The following DDX42 variants were observed in gnomAD, a reference collection of about 807,000 sequenced individuals.
The protein encoded by DDX42 is ATP-dependent RNA helicase DDX42.
Under a neutral mutation model 101.5 loss-of-function variants are expected in DDX42, and 22 were observed. The ratio of observed to expected loss-of-function variants is 0.22; its 90% CI spans 0.15 to 0.31. The LOEUF (loss-of-function observed/expected upper bound fraction) is 0.31. Ranked by LOEUF, DDX42 falls within the 10% of genes least tolerant of loss-of-function variation. DDX42 has a pLI of 1.00. For synonymous variants in DDX42, 402 were observed against 401.2 expected, an observed-to-expected ratio of 1.00 and a Z score of -0.02; for missense variants, 849 against 1,199.9, an observed-to-expected ratio of 0.71 and a Z score of 4.32.
chr17:63,810,465 C>T, intron 11 of DDX42, 48 bp from the exon 12 acceptor site: 1 of 1,594,940 alleles, frequency 6.3e-7, no homozygotes, highest in Non-Finnish European at 8.6e-7. Context: ...CCAGGCTTCC[C>T]AAACTGTATT....
intron 3 of DDX42, among the ~76,000 whole-genome samples, chr17:63,793,936 A>C (rs1270878648): frequency 6.6e-6 from 1 of 151,420 alleles, no homozygotes; most frequent in Admixed American, 6.6e-5. Context: ...ACTTGCCCCA[A>C]ATCATATTGG....
chr17:63,817,166 G>C (rs976371657), intron 17 of DDX42, 200 bp downstream of exon 17: 3 of 530,752 alleles, frequency 5.7e-6, no homozygotes, highest in African/African-American at 3.9e-5. Flanking sequence ...CCTTGTGCTG[G>C]TCTACTTTGA....
At chr17:63,814,391 T>G (rs2039950353) in intron 15 of DDX42, among the ~76,000 whole-genome samples, 1 of 152,242 alleles carries the variant, frequency 6.6e-6, no homozygotes, top group African/African-American at 2.4e-5. Context: ...CCAGCTGCAA[T>G]GTGGCAGTGC....
At chr17:63,795,094 AT>A (rs1451941712) in intron 3 of DDX42, among the ~76,000 whole-genome samples, 1 of 152,198 alleles carries the variant, frequency 6.6e-6, no homozygotes, top group Non-Finnish European at 1.5e-5. Context: ...TGGCCTAGAC[AT>A]TGCTTTTTTA....
chr17:63,810,851 T>G (rs1337170032), intron 12 of DDX42, among the ~76,000 whole-genome samples: 1 of 152,204 alleles, frequency 6.6e-6, no homozygotes, highest in Non-Finnish European at 1.5e-5. Flanking sequence ...TGATTTGAAA[T>G]CAAGAGTCTT....
intron 1 of DDX42, among the ~76,000 whole-genome samples, chr17:63,782,035 G>A (rs1025711338): frequency 6.6e-6 from 1 of 151,458 alleles, no homozygotes; most frequent in Non-Finnish European, 1.5e-5. Context: ...AAAAAGAATT[G>A]TCTTACCAGC....
At chr17:63,782,063 G>A (rs144919880) in intron 1 of DDX42, among the ~76,000 whole-genome samples, 3 of 152,102 alleles carry the variant, frequency 2.0e-5, no homozygotes, top group East Asian at 1.9e-4. Flanking sequence ...AGTGGATCAC[G>A]AGGTCAGGAG....
chr17:63,817,893 A>G lies in DDX42; in HGVS notation c.2312A>G (p.Asn771Ser), dbSNP rs777260126. 22 of 1,614,218 alleles carry G rather than the reference A, an allele frequency of 1.4e-5. No individual in the cohort carries two copies. Among genetic ancestry groups the G allele is most frequent in the Admixed American group, 1.3e-4 (8 of 60,028 alleles). The change falls in exon 18 of 18, where the codon AAC (asparagine) becomes AGC (serine). Residue 771 changes from asparagine to serine, a missense_variant. Physicochemically the swap from Asn to Ser is conservative, Grantham distance 46. This residue lies in a region of DDX42 where 300 missense variants were observed against 304.9 expected (regional missense o/e 0.98). Coordinates refer to ENST00000389924, the MANE Select transcript of DDX42 (RefSeq NM_203499.3). The stretch of plus-strand genomic sequence containing the variant: ...ATCCCAGGCTTTGGCAATACTGGCA[A>G]CATCAGTGGTGCCCCTGTGACCTAC... The part of the protein sequence containing the change: ...KGIPGFGNTG[N>S]ISGAPVTYPS...
chr17:63,796,725 G>T (rs1411388516), intron 3 of DDX42, among the ~76,000 whole-genome samples: 2 of 152,166 alleles, frequency 1.3e-5, no homozygotes, highest in Non-Finnish European at 2.9e-5. Context: ...TAAACAATAT[G>T]TTCTACCACT....
In DDX42 at chr17:63,800,437, G is replaced by T. The variant is rs138225391; in HGVS notation, c.472-31G>T. On this transcript the variant is annotated intron_variant, in intron 5 of 17. Coordinates refer to ENST00000389924, the MANE Select transcript of DDX42 (RefSeq NM_203499.3). ...GCAGAAACATTCTCAATTGTACTTG[G>T]GTGTGATTATGTTCTTGTGCTTTCC... 102 of 1,605,934 alleles carry T rather than the reference G, an allele frequency of 6.4e-5. 1 individual carries two copies. In the East Asian group the frequency reaches 2.2e-3, roughly 35 times the overall value.
rs138224520 is a variant in DDX42, at chr17:63,789,546, C to CGTG, written c.221+2276_221+2277insGTG. Among the ~76,000 whole-genome samples, 16 of 121,846 alleles carry CGTG rather than the reference C, an allele frequency of 1.3e-4. 2 individuals carry two copies. The highest frequency in any genetic ancestry group is 5.5e-4 in the African/African-American group (16 of 29,318). 79.9% of individuals were successfully genotyped at this position (121,846 alleles called of 152,430 possible). A position where few individuals can be genotyped will look rare whatever the true frequency, so the allele number is the denominator to read the frequency against. On this transcript the variant is annotated intron_variant, in intron 2 of 17. Transcript: ENST00000389924. ...ATTGGAAAAAAAAGCTTCTAAAAGA[C>CGTG]TTTTTTGTTTTTGTTTTTGTTTTTG...
In DDX42 at chr17:63,792,644, A is replaced by C. The variant is rs116712787; in HGVS notation, c.372+82A>C. The C allele has an allele frequency of 2.1e-6, 3 of 1,426,200 alleles. No individual in the cohort carries two copies. The African/African-American group carries it at 4.4e-5, about 21-fold the overall frequency. The allele number at this position is 1,426,200 out of a possible 1,614,324, so 88.3% of individuals were successfully genotyped here. A position where few individuals can be genotyped will look rare whatever the true frequency, so the allele number is the denominator to read the frequency against. On this transcript the variant is annotated intron_variant, in intron 3 of 17. Transcript: ENST00000389924. ...CTTAGTACTTCAAATCTTATTCAAA[A>C]TTTGTTTTCTAGTCTTATTATTTTT...
chr17:63,779,395 C>G (rs2144520814), intron 1 of DDX42, among the ~76,000 whole-genome samples: 1 of 152,260 alleles, frequency 6.6e-6, no homozygotes, highest in African/African-American at 2.4e-5. Flanking sequence ...TCCCGAGTAG[C>G]TGGGGCTACA....
intron 2 of DDX42, among the ~76,000 whole-genome samples, chr17:63,787,905 G>GGT (rs1555571596): frequency 9.3e-6 from 1 of 107,888 alleles, no homozygotes; most frequent in East Asian, 2.3e-4. Flanking sequence ...AATTCATGTG[G>GGT]TTTTTTTTTT....
chr17:63,777,040 A>G (rs922975349), intron 1 of DDX42, among the ~76,000 whole-genome samples: 13 of 151,862 alleles, frequency 8.6e-5, no homozygotes, highest in African/African-American at 3.1e-4. Flanking sequence ...CTGAGCAGCT[A>G]GGACTACAGG....
chr17:63,805,008 A>C (rs775831358), intron 6 of DDX42, 63 bp from the exon 7 acceptor site: 121 of 1,540,912 alleles, frequency 7.9e-5, no homozygotes, highest in Non-Finnish European at 6.8e-5. Context: ...ATTTTGCAAT[A>C]AAATCAAACT....
At chr17:63,806,383 T>G in intron 7 of DDX42, 152 bp from the exon 8 acceptor site, 1 of 701,644 alleles carries the variant, frequency 1.4e-6, no homozygotes, top group South Asian at 3.9e-5. Flanking sequence ...CCATTTGAGG[T>G]TTTTCCTTTT....
At chr17:63,773,881 A>G (rs1163560151), upstream of DDX42, 1 of 155,658 alleles carries the variant, frequency 6.4e-6, no homozygotes, top group Non-Finnish European at 1.4e-5. Flanking sequence ...TCGCTCTAGT[A>G]GTATATGCAA....
chr17:63,783,261 C>T (rs1205385908), intron 1 of DDX42, among the ~76,000 whole-genome samples: 3 of 152,172 alleles, frequency 2.0e-5, no homozygotes, highest in African/African-American at 4.8e-5. Context: ...TCATATACCA[C>T]CTGACCTTCT....
Sources: allele counts gnomAD v4.1 joint callset (sites outside exome capture counted in the v4.1 genomes callset), GRCh38; gene constraint gnomAD v4.1.1; regional missense constraint gnomAD v4.1.1; transcripts MANE v1.5; gene names NCBI Gene and HGNC (gene_info 2026-07-23, HGNC 2026-07-21).